KCNJ3: variants seen among roughly 807,000 people sequenced by gnomAD.
KCNJ3 encodes potassium inwardly rectifying channel subfamily J member 3.
KCNJ3 carries 4 observed loss-of-function variants against 39.2 expected under a neutral mutation model. The ratio of observed to expected loss-of-function variants is 0.10; its 90% CI spans 0.05 to 0.23. The LOEUF is 0.23. Ranked by LOEUF, KCNJ3 falls within the 10% of genes least tolerant of loss-of-function variation. The pLI is 1.00. For missense variants in KCNJ3, 276 were observed against 634.9 expected, an observed-to-expected ratio of 0.43 and a Z score of 6.08; for synonymous variants, 230 against 237.4, an observed-to-expected ratio of 0.97 and a Z score of 0.29.
rs547456360 is a variant in KCNJ3 at position 154,744,958 on chromosome 2, A to G, written c.919+35139A>G. ...TTTAATGCAGTTTAAGGTATTTTTT[A>G]TTTTCCTTGATATTTCTTCTTTGAC... On this transcript the variant is annotated intron_variant, in intron 2 of 2. Coordinates refer to ENST00000295101, the MANE Select transcript of KCNJ3 (RefSeq NM_002239.4). Among the ~76,000 whole-genome samples the G allele has an allele frequency of 2.8e-3, 428 of 151,492 alleles. 3 individuals carry two copies. The highest frequency in any genetic ancestry group is 9.9e-3 in the African/African-American group (408 of 41,344).
intron 2 of KCNJ3, among the ~76,000 whole-genome samples, chr2:154,726,830 CACA>C (rs781638169): frequency 7.0e-6 from 1 of 143,848 alleles, no homozygotes; most frequent in Non-Finnish European, 1.5e-5. Context: ...CACACACACA[CACA>C]CATACACCAT....
chr2:154,850,216 AT>A (rs980613037), intron 2 of KCNJ3, among the ~76,000 whole-genome samples: 68 of 151,740 alleles, frequency 4.5e-4, no homozygotes, highest in African/African-American at 1.6e-3. Context: ...AAGAGGTGCA[AT>A]CTCATAGTAC....
intron 2 of KCNJ3, among the ~76,000 whole-genome samples, chr2:154,789,207 A>G (rs1218022325): frequency 1.3e-5 from 2 of 152,102 alleles, no homozygotes; most frequent in South Asian, 2.1e-4. Flanking sequence ...TTTAATCAAC[A>G]AATCCAGAAG....
intron 2 of KCNJ3, among the ~76,000 whole-genome samples, chr2:154,810,924 G>C (rs1164975246): frequency 6.6e-6 from 1 of 152,122 alleles, no homozygotes; most frequent in African/African-American, 2.4e-5. Flanking sequence ...ATTTGCCAGT[G>C]CTAATGGATG....
At chr2:154,705,735 A>G (rs764560545) in intron 1 of KCNJ3, among the ~76,000 whole-genome samples, 5 of 152,170 alleles carry the variant, frequency 3.3e-5, no homozygotes, top group Non-Finnish European at 7.4e-5. Context: ...ATCAAAAAAT[A>G]CCTAATGTTC....
At chr2:154,841,517 G>A (rs552804800) in intron 2 of KCNJ3, among the ~76,000 whole-genome samples, 5 of 152,126 alleles carry the variant, frequency 3.3e-5, no homozygotes, top group East Asian at 1.9e-4. Flanking sequence ...GTATCAGCTC[G>A]TCTTTGTACC....
intron 2 of KCNJ3, among the ~76,000 whole-genome samples, chr2:154,742,103 T>A (rs1221769660): frequency 2.0e-5 from 3 of 151,892 alleles, no homozygotes; most frequent in Non-Finnish European, 4.4e-5. Context: ...TTTTAACTAC[T>A]CTAAGTACCT....
chr2:154,791,208 A>C (rs1419839642), intron 2 of KCNJ3, among the ~76,000 whole-genome samples: 1 of 152,002 alleles, frequency 6.6e-6, no homozygotes, highest in African/African-American at 2.4e-5. Context: ...ACATCACCTA[A>C]GAATTGCTTA....
intron 2 of KCNJ3, among the ~76,000 whole-genome samples, chr2:154,739,994 A>G (rs1325398089): frequency 1.3e-5 from 2 of 152,046 alleles, no homozygotes; most frequent in East Asian, 3.9e-4. Flanking sequence ...AATGGAAAGG[A>G]CTGACTGATG....
intron 2 of KCNJ3, among the ~76,000 whole-genome samples, chr2:154,844,021 G>A (rs770527198): frequency 2.0e-5 from 3 of 152,162 alleles, no homozygotes; most frequent in South Asian, 2.1e-4. Context: ...AGGAGAACAG[G>A]CCCTCTGATT....
At chr2:154,771,369 A>G (rs1407710327) in intron 2 of KCNJ3, among the ~76,000 whole-genome samples, 3 of 152,222 alleles carry the variant, frequency 2.0e-5, no homozygotes, top group Non-Finnish European at 4.4e-5. Context: ...CATAAGCTAA[A>G]TTGCAAATAT....
In KCNJ3 at chr2:154,699,134, A is replaced by G; in HGVS notation, c.359A>G (p.Tyr120Cys). 1 of 1,614,132 alleles carries G rather than the reference A, an allele frequency of 6.2e-7. No individual in the cohort carries two copies. ...CTGAACAAAGCCCACGTCGGTAACT[A>G]CACGCCTTGCGTGGCCAATGTCTAT... ...GDLNKAHVGN[Y>C]TPCVANVYNF... Residue 120 changes from tyrosine to cysteine, a missense_variant, in exon 1 of 3, where the codon TAC (tyrosine) becomes TGC (cysteine). Around this residue, in one of 4 missense-constraint regions of KCNJ3, gnomAD observed 46 missense variants for 206.6 expected, o/e 0.22. Transcript: ENST00000295101. This position sits in a 1 kb window ranked among gnomAD's most constrained non-coding sequence, Gnocchi z 6.4.
chr2:154,718,285 C>G (rs1446268622), intron 2 of KCNJ3, among the ~76,000 whole-genome samples: 1 of 152,122 alleles, frequency 6.6e-6, no homozygotes, highest in Non-Finnish European at 1.5e-5. Flanking sequence ...GCCACACATT[C>G]CTTTTTAATC....
intron 2 of KCNJ3, among the ~76,000 whole-genome samples, chr2:154,740,427 T>C (rs1685633039): frequency 6.6e-6 from 1 of 152,044 alleles, no homozygotes; most frequent in Non-Finnish European, 1.5e-5. Context: ...GAAGCCATTC[T>C]TCATTAAGGA....
chr2:154,734,124 T>C (rs1237992569), intron 2 of KCNJ3, among the ~76,000 whole-genome samples: 1 of 152,208 alleles, frequency 6.6e-6, no homozygotes, highest in Non-Finnish European at 1.5e-5. Context: ...AAAATAAATC[T>C]ACTTCTAACA....
chr2:154,834,570 A>C (rs1308985005), intron 2 of KCNJ3, among the ~76,000 whole-genome samples: 2 of 152,006 alleles, frequency 1.3e-5, no homozygotes, highest in Non-Finnish European at 2.9e-5. Flanking sequence ...TTTACTAAAA[A>C]TACAAAATAT....
intron 2 of KCNJ3, among the ~76,000 whole-genome samples, chr2:154,785,371 G>A (rs78441085): frequency 0.069 from 10,533 of 152,152 alleles, 478 homozygotes; most frequent in African/African-American, 0.13. Flanking sequence ...TTGTCCTCAC[G>A]TGATCTTTTC....
chr2:154,766,829 C>T (rs2034220), intron 2 of KCNJ3, among the ~76,000 whole-genome samples: 4,955 of 152,220 alleles, frequency 0.033, 176 homozygotes, highest in East Asian at 0.2. Flanking sequence ...GCTGGGATTA[C>T]AGGCATGAGC....
At chr2:154,753,448 A>G (rs1374388202) in intron 2 of KCNJ3, among the ~76,000 whole-genome samples, 1 of 152,098 alleles carries the variant, frequency 6.6e-6, no homozygotes, top group Non-Finnish European at 1.5e-5. Flanking sequence ...AATCACATTA[A>G]TTGTGGAGTT....
Sources: gnomAD v4.1 joint callset for allele counts (sites outside exome capture counted in the v4.1 genomes callset) on GRCh38, gnomAD v4.1.1 for gene constraint, gnomAD v4.1.1 regional missense constraint, Gnocchi (gnomAD v3.1) non-coding constraint, MANE v1.5 for transcripts, NCBI Gene and HGNC (gene_info 2026-07-23, HGNC 2026-07-21) for gene names.